Variants in KCNMA1 observed in about 807,000 individuals in gnomAD.
KCNMA1 encodes the protein Calcium-activated potassium channel subunit alpha-1.
Under a neutral mutation model 140.0 loss-of-function variants are expected in KCNMA1, and 29 were observed. The ratio of observed to expected loss-of-function variants is 0.21; its 90% confidence interval spans 0.15 to 0.28. KCNMA1 has a LOEUF of 0.28. Among genes scored for constraint, KCNMA1 ranks in the 10% least tolerant of loss-of-function variants. The pLI, the probability that KCNMA1 is intolerant of heterozygous loss-of-function variation, is 1.00. For missense variants in KCNMA1, 880 were observed against 1,602.2 expected, an observed-to-expected ratio of 0.55 and a Z score of 7.70; for synonymous variants, 612 against 611.9, an observed-to-expected ratio of 1.00 and a Z score of 0.00.
In KCNMA1 at chr10:77,115,585, A is replaced by G. The variant is rs181463658; in HGVS notation, c.885-3143T>C. Among the ~76,000 whole-genome samples, 58 of 152,300 alleles carry G rather than the reference A, an allele frequency of 3.8e-4. No homozygotes were observed. In the East Asian group the frequency reaches 0.011, roughly 28 times the overall value. ...TGGGACCTGAACACAGCAGTGTCCCACCAACAACCATGTAGAGTCCTCTTG... is the reference window on the plus strand; with the variant it reads ...TGGGACCTGAACACAGCAGTGTCCCGCCAACAACCATGTAGAGTCCTCTTG... On this transcript the variant is annotated intron_variant, in intron 6 of 27. Coordinates refer to ENST00000286628, the MANE Select transcript of KCNMA1 (RefSeq NM_001161352.2).
At chr10:77,450,491 C>T (rs2154519665) in intron 1 of KCNMA1, among the ~76,000 whole-genome samples, 1 of 151,804 alleles carries the variant, frequency 6.6e-6, no homozygotes, top group South Asian at 2.1e-4. Flanking sequence ...TAAAATACAC[C>T]CAAATGTGAT....
intron 2 of KCNMA1, among the ~76,000 whole-genome samples, chr10:77,328,080 T>C (rs768294522): frequency 6.6e-6 from 1 of 152,208 alleles, no homozygotes; most frequent in Non-Finnish European, 1.5e-5. Flanking sequence ...AACTGGGTTG[T>C]CTTGCACATT....
At chr10:77,124,415 T>A (rs1352240731) in intron 5 of KCNMA1, among the ~76,000 whole-genome samples, 1 of 152,182 alleles carries the variant, frequency 6.6e-6, no homozygotes, top group Non-Finnish European at 1.5e-5. Context: ...CCTATACTCT[T>A]GCTAGACACA....
chr10:77,058,260 C>G (rs1350302811), intron 14 of KCNMA1, among the ~76,000 whole-genome samples: 1 of 152,000 alleles, frequency 6.6e-6, no homozygotes, highest in African/African-American at 2.4e-5. Context: ...CTTTCAAACA[C>G]ACACAAAGCA....
rs140055074 is a variant in KCNMA1 at position 77,253,324 on chromosome 10, C to T, written c.541-2068G>A. Among the ~76,000 whole-genome samples, 7 of 152,338 alleles carry T rather than the reference C, an allele frequency of 4.6e-5. No homozygotes were observed. In the East Asian group the frequency reaches 1.4e-3, roughly 29 times the overall value. ...AATGCTGAGCATCTGTCAGAGCTGGCTATATAGGCCTATGCCACCCAAAGC... is the reference window on the plus strand; with the variant it reads ...AATGCTGAGCATCTGTCAGAGCTGGTTATATAGGCCTATGCCACCCAAAGC... On this transcript the variant is annotated intron_variant, in intron 2 of 27. Coordinates refer to ENST00000286628, the MANE Select transcript of KCNMA1 (RefSeq NM_001161352.2).
chr10:77,382,992 G>GTATATATATATA (rs1227873900), intron 2 of KCNMA1, among the ~76,000 whole-genome samples: 3 of 44,486 alleles, frequency 6.7e-5, no homozygotes, highest in African/African-American at 4.0e-4. Flanking sequence ...GTGTGTGTGT[G>GTATATATATATA]TGTATATATA....
intron 5 of KCNMA1, among the ~76,000 whole-genome samples, chr10:77,171,051 T>C (rs573315965): frequency 6.6e-6 from 1 of 152,300 alleles, no homozygotes; most frequent in Admixed American, 6.5e-5. Flanking sequence ...TCCTGGAAAC[T>C]TGCATAGCAG....
chr10:77,367,610 G>T (rs548840214), intron 2 of KCNMA1, among the ~76,000 whole-genome samples: 1 of 152,174 alleles, frequency 6.6e-6, no homozygotes, highest in South Asian at 2.1e-4. Flanking sequence ...AAAGTTCTAC[G>T]AATGTTAGTA....
At chr10:76,997,436 T>G (rs1301377836) in intron 19 of KCNMA1, among the ~76,000 whole-genome samples, 4 of 152,232 alleles carry the variant, frequency 2.6e-5, no homozygotes, top group African/African-American at 9.6e-5. Flanking sequence ...AAGGTCTGCT[T>G]CTCTTCTACC....
chr10:77,054,243 A>G (rs377118539), intron 14 of KCNMA1, among the ~76,000 whole-genome samples: 1 of 152,240 alleles, frequency 6.6e-6, no homozygotes, highest in Non-Finnish European at 1.5e-5. Context: ...GAAAGAGAAA[A>G]AAAATACTCA....
intron 6 of KCNMA1, among the ~76,000 whole-genome samples, chr10:77,118,340 A>G (rs1226998603): frequency 6.6e-6 from 1 of 152,168 alleles, no homozygotes; most frequent in Non-Finnish European, 1.5e-5. Flanking sequence ...GGGGATGCCC[A>G]AAAGGAAGGA....
intron 5 of KCNMA1, among the ~76,000 whole-genome samples, chr10:77,121,632 T>C (rs2097598875): frequency 6.6e-6 from 1 of 151,998 alleles, no homozygotes. Flanking sequence ...ATTCAAAATT[T>C]ATATAGTTCC....
At chr10:77,073,063 C>T (rs375449217) in intron 14 of KCNMA1, 34 bp downstream of exon 14, 41 of 1,606,066 alleles carry the variant, frequency 2.6e-5, no homozygotes, top group Non-Finnish European at 3.2e-5. Context: ...AATGGAATCC[C>T]GAGCTAATGT....
At chr10:77,572,681 G>C (rs1266583030) in intron 1 of KCNMA1, among the ~76,000 whole-genome samples, 1 of 138,772 alleles carries the variant, frequency 7.2e-6, no homozygotes, top group African/African-American at 2.7e-5. Context: ...GCTTGAGCTC[G>C]AGAGGTCAAG....
At chr10:77,137,427 C>A (rs923765532) in intron 5 of KCNMA1, among the ~76,000 whole-genome samples, 2 of 152,180 alleles carry the variant, frequency 1.3e-5, no homozygotes, top group African/African-American at 4.8e-5. Context: ...TGTTATCTGG[C>A]CTTGCAGCTC....
At chr10:77,602,490 A>G (rs1053106118) in intron 1 of KCNMA1, among the ~76,000 whole-genome samples, 1 of 152,156 alleles carries the variant, frequency 6.6e-6, no homozygotes, top group Non-Finnish European at 1.5e-5. Context: ...AATAGCAATG[A>G]TTGCACAACT....
In KCNMA1 at chr10:77,630,597, A is replaced by C. The variant is rs561393053; in HGVS notation, c.378+6668T>G. Among the ~76,000 whole-genome samples, 3 of 152,210 alleles carry C rather than the reference A, an allele frequency of 2.0e-5. No homozygotes were observed. In the East Asian group the frequency reaches 5.8e-4, roughly 29 times the overall value. Reference sequence around the variant, plus strand: ...CTGCTTCTCATCCCTTCCCCCTTCAAGAGCTGGGAATTTCCACATTTAAAA... The same window carrying C: ...CTGCTTCTCATCCCTTCCCCCTTCACGAGCTGGGAATTTCCACATTTAAAA... On this transcript the variant is annotated intron_variant, in intron 1 of 27. Coordinates refer to ENST00000286628, the MANE Select transcript of KCNMA1 (RefSeq NM_001161352.2).
In KCNMA1 at chr10:77,152,806, C is replaced by G. The variant is rs563040324; in HGVS notation, c.808+30615G>C. On this transcript the variant is annotated intron_variant, in intron 5 of 27. Transcript: ENST00000286628. ...GGCAAGCGGGTCTGGGTTGCGGTGA[C>G]AGGCACCAACAGGGCCAGCCTCCCA... Among the ~76,000 whole-genome samples, 22 of 152,316 alleles carry G rather than the reference C, an allele frequency of 1.4e-4. No individual in the cohort carries two copies. In the East Asian group the frequency reaches 3.7e-3, roughly 25 times the overall value.
chr10:76,941,985 T>C (rs1313159000), intron 23 of KCNMA1, among the ~76,000 whole-genome samples: 1 of 152,110 alleles, frequency 6.6e-6, no homozygotes, highest in East Asian at 1.9e-4. Flanking sequence ...TATTTTATTT[T>C]GTTTTAGACA....
Sources: gnomAD v4.1 joint callset for allele counts (sites outside exome capture counted in the v4.1 genomes callset) on GRCh38, gnomAD v4.1.1 for gene constraint, MANE v1.5 for transcripts, NCBI Gene and HGNC (gene_info 2026-07-23, HGNC 2026-07-21) for gene names.